The following ABCB9 variants were observed in gnomAD, a reference collection of about 807,000 sequenced individuals.
ABCB9 encodes ABC-type oligopeptide transporter ABCB9.
A neutral mutation model predicts 62.0 loss-of-function variants in ABCB9; 36 were observed. The observed-to-expected ratio is 0.58, with a 90% CI of 0.45 to 0.77. ABCB9 has a LOEUF of 0.77. Among genes scored for constraint, ABCB9 ranks in the 30% least tolerant of loss-of-function variants. ABCB9 has a pLI of 0.00. For synonymous variants in ABCB9, 435 were observed against 461.4 expected, an observed-to-expected ratio of 0.94 and a Z score of 0.73; for missense variants, 943 against 1,054.7, an observed-to-expected ratio of 0.89 and a Z score of 1.47.
rs199677437 is a variant in ABCB9 at position 122,946,225 on chromosome 12, A to G, written c.1054-3T>C. On this transcript the variant is annotated splice_polypyrimidine_tract_variant and splice_region_variant and intron_variant, in intron 5 of 11. Coordinates refer to ENST00000280560, the MANE Select transcript of ABCB9 (RefSeq NM_019625.4). ...TTCTGGACCTCTTTGGAGAGCCTCT[A>G]TGGACAGGAGGGGGACAAGAAGGAG... is the stretch of plus-strand genomic sequence containing the variant. The G allele has an allele frequency of 2.5e-6, 4 of 1,614,046 alleles. No homozygotes were observed. The highest frequency in any genetic ancestry group is 4.5e-5 in the East Asian group (2 of 44,884).
In ABCB9 at chr12:122,964,558, G is replaced by A. The variant is rs73408885; in HGVS notation, c.-88+1729C>T. Among the ~76,000 whole-genome samples, 1,009 of 152,348 alleles carry A rather than the reference G, an allele frequency of 6.6e-3. 14 individuals are homozygous for A. Among genetic ancestry groups the A allele is most frequent in the African/African-American group, 0.023 (951 of 41,576 alleles). ...GCCCCGGGTCGGGTTACAGTCCTCG[G>A]TGGGGACAGTTACTCCGTTATTTTT... On this transcript the variant is annotated intron_variant, in intron 1 of 11. Coordinates refer to ENST00000280560, the MANE Select transcript of ABCB9 (RefSeq NM_019625.4). This position sits in a 1 kb window ranked among gnomAD's most constrained non-coding sequence, Gnocchi z 4.7.
At chr12:122,935,154 G>A (rs753838416) in intron 10 of ABCB9, 118 bp downstream of exon 10, 33 of 1,248,954 alleles carry the variant, frequency 2.6e-5, no homozygotes, top group Non-Finnish European at 3.0e-5. Flanking sequence ...GTAACGTAGC[G>A]GGACCCCATC....
In ABCB9 at chr12:122,935,409, G is replaced by A; in HGVS notation, c.1766C>T (p.Pro589Leu). The A allele has an allele frequency of 6.2e-7, 1 of 1,613,768 alleles. No homozygotes were observed. ...CGTGATGGAGCGGGCGAACAGCACG[G>A]GCTCCTGGCTCACCAGGGAGATCTG... ...HRVISLVSQE[P>L]VLFARSITDN... Residue 589 changes from proline (P) to leucine (L), a missense_variant, in exon 10 of 12, where the codon CCC becomes CTC. Physicochemically the swap from Pro to Leu is moderately conservative, Grantham distance 98 (BLOSUM62 -3). Coordinates refer to ENST00000280560, the MANE Select transcript of ABCB9 (RefSeq NM_019625.4).
intron 1 of ABCB9, among the ~76,000 whole-genome samples, chr12:122,961,096 A>G (rs1235027499): frequency 6.6e-6 from 1 of 151,482 alleles, no homozygotes; most frequent in African/African-American, 2.4e-5. Context: ...AAAAAAAGAG[A>G]TAAGGGTTGT....
chr12:122,920,796 C>G (rs1311765903), downstream of ABCB9, among the ~76,000 whole-genome samples: 1 of 151,866 alleles, frequency 6.6e-6, no homozygotes, highest in East Asian at 1.9e-4. Context: ...GCCTGTAGTC[C>G]CAGCTACTTG....
intron 2 of ABCB9, among the ~76,000 whole-genome samples, chr12:122,955,312 A>G (rs1477249398): frequency 6.6e-6 from 1 of 152,250 alleles, no homozygotes; most frequent in Non-Finnish European, 1.5e-5. Flanking sequence ...TCTGCTCAGC[A>G]GTATTTAAGG....
chr12:122,964,678 G>A lies in ABCB9; in HGVS notation c.-88+1609C>T, dbSNP rs543327323. ...CTGACTCAGAGGATGCGCTGGGCTC[G>A]GCCAGGTGGAGCTGGAGGGCAAATT... On this transcript the variant is annotated intron_variant, in intron 1 of 11. Coordinates refer to ENST00000280560, the MANE Select transcript of ABCB9 (RefSeq NM_019625.4). This position sits in a 1 kb window ranked among gnomAD's most constrained non-coding sequence, Gnocchi z 4.7. Among the ~76,000 whole-genome samples the A allele has an allele frequency of 3.3e-5, 5 of 152,374 alleles. No homozygotes were observed. Among genetic ancestry groups the A allele is most frequent in the East Asian group, 3.9e-4 (2 of 5,182 alleles).
chr12:122,949,299 A>G (rs2036225679), intron 4 of ABCB9: 1 of 174,728 alleles, frequency 5.7e-6, no homozygotes, highest in South Asian at 1.4e-4. Context: ...CCGTGTTCCC[A>G]TTTTACAGAC....
At position 122,929,241 on chromosome 12, in the gene ABCB9, C is replaced by G. The variant is rs2035011988; in HGVS notation, c.*670G>C. 2 of 985,882 alleles carry G rather than the reference C, an allele frequency of 2.0e-6. No homozygotes were observed. The highest frequency in any genetic ancestry group is 2.4e-6 in the Non-Finnish European group (2 of 830,062). 61.1% of individuals were successfully genotyped at this position (985,882 alleles called of 1,614,324 possible). On this transcript the variant is annotated 3_prime_UTR_variant, in exon 12 of 12. Coordinates refer to ENST00000280560, the MANE Select transcript of ABCB9 (RefSeq NM_019625.4). This position sits in a 1 kb window ranked among gnomAD's most constrained non-coding sequence, Gnocchi z 6.0. ...GCCGGGCTGGGGGCACCCCTGAGGC[C>G]CCTCCAGACCTGGCCAGCCCCTCAC...
intron 10 of ABCB9, among the ~76,000 whole-genome samples, chr12:122,934,665 A>G (rs551695342): frequency 3.1e-4 from 47 of 151,684 alleles, no homozygotes; most frequent in African/African-American, 1.1e-3. Flanking sequence ...AACTAAAAAA[A>G]CTAAAAATAT....
chr12:122,950,735 C>T, intron 2 of ABCB9, 170 bp from the exon 3 acceptor site: 1 of 579,172 alleles, frequency 1.7e-6, no homozygotes, highest in East Asian at 2.8e-5. Flanking sequence ...TGCTTAATGC[C>T]CCCCTCCTCA....
chr12:122,926,739 C>A (rs1046099722), downstream of ABCB9, among the ~76,000 whole-genome samples: 11 of 149,428 alleles, frequency 7.4e-5, no homozygotes, highest in African/African-American at 1.2e-4. Context: ...AAAAAAAAAG[C>A]AAAAGAAAAA....
intron 11 of ABCB9, among the ~76,000 whole-genome samples, chr12:122,923,718 T>C (rs1449938603): frequency 6.6e-6 from 1 of 152,228 alleles, no homozygotes; most frequent in Non-Finnish European, 1.5e-5. Flanking sequence ...TTGCATACAA[T>C]GCTTTATGTG....
At chr12:122,961,259 C>A (rs1352420942) in intron 1 of ABCB9, among the ~76,000 whole-genome samples, 2 of 152,068 alleles carry the variant, frequency 1.3e-5, no homozygotes, top group East Asian at 3.8e-4. Flanking sequence ...GCGATCCCGG[C>A]TCACCGCAAC....
rs2035929827 is a variant in ABCB9 at position 122,944,475 on chromosome 12, G to T, written c.1296C>A (p.Gly432=). ...TCATCTGGCCTGAGATGACAAGGTGGCCCCCGTAGTAGAGGATGCTGACCT... is the reference window on the plus strand; with the variant it reads ...TCATCTGGCCTGAGATGACAAGGTGTCCCCCGTAGTAGAGGATGCTGACCT... ...VVQVSILYYG[G]HLVISGQMTS... is the part of the protein sequence containing the mutation. The change falls in exon 7 of 12, where the codon GGC becomes GGA. Residue 432 remains glycine, a synonymous_variant. Transcript: ENST00000280560. The surrounding 1 kb of genome is among the most constrained non-coding windows in gnomAD (Gnocchi z 4.9). 1 of 1,613,926 alleles carries T rather than the reference G, an allele frequency of 6.2e-7. No homozygotes were observed. Among genetic ancestry groups the T allele is most frequent in the African/African-American group, 1.3e-5 (1 of 74,926 alleles).
downstream of ABCB9, among the ~76,000 whole-genome samples, chr12:122,925,188 T>C (rs567345419): frequency 6.6e-5 from 10 of 152,280 alleles, no homozygotes; most frequent in East Asian, 1.9e-3. Context: ...CCCAAAGTGC[T>C]GGGATTACAG....
At position 122,940,983 on chromosome 12, in the gene ABCB9, C is replaced by G. The variant is rs755498117; in HGVS notation, c.1393G>C (p.Val465Leu). The G allele has an allele frequency of 4.4e-6, 7 of 1,604,616 alleles. No homozygotes were observed. Among genetic ancestry groups the G allele is most frequent in the Non-Finnish European group, 6.0e-6 (7 of 1,173,674 alleles). ...LGDCMESVGS[V>L]YSGLMQGVGA... ...ACTCCCTGCATCAGGCCACTGTAGA[C>G]GGAGCCCACGGACTGGGGAGAGGAG... Residue 465 changes from valine to leucine, a missense_variant, in exon 8 of 12, where the codon GTC becomes CTC. Transcript: ENST00000280560. This position sits in a 1 kb window ranked among gnomAD's most constrained non-coding sequence, Gnocchi z 4.8.
Position 122,948,686 on chromosome 12 carries a change from C to T in ABCB9, c.991G>A (p.Val331Ile), listed in dbSNP as rs746826343. ...ATGATGGGGAAGCCCATGAAGGTGA[C>T]CAAGGAGAGCTGCCATGAGAGGCTG... ...MFSLSWQLSLVTFMGFPIIMM... is the reference protein window; with the variant it reads ...MFSLSWQLSLITFMGFPIIMM... Residue 331 changes from valine (V) to isoleucine (I), a missense_variant, in exon 5 of 12, where the codon GTC becomes ATC. By Grantham distance (29) the Val-to-Ile change is conservative (BLOSUM62 3). Transcript: ENST00000280560. The T allele has an allele frequency of 6.2e-7, 1 of 1,613,946 alleles. No individual in the cohort carries two copies. Among genetic ancestry groups the T allele is most frequent in the African/African-American group, 1.3e-5 (1 of 75,026 alleles).
downstream of ABCB9, among the ~76,000 whole-genome samples, chr12:122,927,476 T>C (rs1393984473): frequency 6.6e-6 from 1 of 152,196 alleles, no homozygotes; most frequent in Non-Finnish European, 1.5e-5. Flanking sequence ...GGCCTAAACA[T>C]TACTTTTTTA....
Sources: gnomAD v4.1 joint callset for allele counts (sites outside exome capture counted in the v4.1 genomes callset) on GRCh38, gnomAD v4.1.1 for gene constraint, Gnocchi (gnomAD v3.1) non-coding constraint, MANE v1.5 for transcripts, NCBI Gene and HGNC (gene_info 2026-07-23, HGNC 2026-07-21) for gene names.